Variants in TINCR observed in about 807,000 individuals in gnomAD.
TINCR encodes the protein TINCR ubiquitin domain containing, also known as TINCR-encoded ubiquitin-like protein.
chr19:5,558,299 T>G (rs1197626662), downstream of TINCR: 1 of 152,176 alleles, frequency 6.6e-6, no homozygotes, highest in Non-Finnish European at 1.5e-5. Context: ...GACCTCCCAG[T>G]TCAGTGGATC....
Position 5,563,615 on chromosome 19 carries a change from C to G in TINCR, c.261-666G>C, listed in dbSNP as rs1032371410. ...CCTCAGCTTCTCCACCTGTAAACCG[C>G]CAATGATAACGGCACCCGGCCAGGC... On this transcript the variant is annotated intron_variant, in intron 1 of 1. Transcript: ENST00000646160. The surrounding 1 kb of genome is among the most constrained non-coding windows in gnomAD (Gnocchi z 4.7). 6.6e-6 allele frequency among the ~76,000 whole-genome samples: 1 copy of G among 152,004 alleles called. No homozygotes were observed. Among genetic ancestry groups the G allele is most frequent in the African/African-American group, 2.4e-5 (1 of 41,410 alleles).
intron 1 of TINCR, among the ~76,000 whole-genome samples, chr19:5,567,182 A>AGAGATG (rs1179096799): frequency 6.6e-6 from 1 of 152,066 alleles, no homozygotes; most frequent in Non-Finnish European, 1.5e-5. Context: ...GACAGAGATA[A>AGAGATG]GAGATGGAGA....
downstream of TINCR, chr19:5,558,485 G>C (rs2052082717): frequency 6.6e-6 from 1 of 152,400 alleles, no homozygotes; most frequent in Non-Finnish European, 1.5e-5. Context: ...TGGAGGGACT[G>C]TGGCCCAAAC....
exon 1 of TINCR, chr19:5,567,831 G>A: frequency 2.5e-6 from 1 of 393,946 alleles, no homozygotes. Flanking sequence ...TCCCGCGGCC[G>A]CACGGTCAGC....
At chr19:5,566,738 CAAG>C (rs2052131984) in intron 1 of TINCR, among the ~76,000 whole-genome samples, 1 of 149,988 alleles carries the variant, frequency 6.7e-6, no homozygotes, top group Non-Finnish European at 1.5e-5. Context: ...CAGAGAGACA[CAAG>C]GAGAAAAACA....
intron 1 of TINCR, among the ~76,000 whole-genome samples, chr19:5,566,219 C>T (rs1455882610): frequency 6.6e-6 from 1 of 151,752 alleles, no homozygotes; most frequent in Non-Finnish European, 1.5e-5. Flanking sequence ...TGCAGAGACA[C>T]CAGAGAGATA....
chr19:5,567,037 C>G (rs2052133353), intron 1 of TINCR, among the ~76,000 whole-genome samples: 1 of 151,238 alleles, frequency 6.6e-6, no homozygotes, highest in African/African-American at 2.4e-5. Flanking sequence ...TGGAGAGAGA[C>G]ACACAGAGAG....
In TINCR at chr19:5,565,304, C is replaced by A. The variant is rs1332635232; in HGVS notation, c.261-2355G>T. Among the ~76,000 whole-genome samples the A allele has an allele frequency of 1.3e-5, 2 of 152,190 alleles. No individual in the cohort carries two copies. The highest frequency in any genetic ancestry group is 2.9e-5 in the Non-Finnish European group (2 of 68,038). On this transcript the variant is annotated intron_variant, in intron 1 of 1. Transcript: ENST00000646160. This position sits in a 1 kb window ranked among gnomAD's most constrained non-coding sequence, Gnocchi z 4.0. ...TTTAACCACCTCCTCCACATCATAG[C>A]CTGACATGTCACCTTTCCGGAGAGG...
At chr19:5,566,555 A>G (rs1251749380) in intron 1 of TINCR, among the ~76,000 whole-genome samples, 1 of 151,726 alleles carries the variant, frequency 6.6e-6, no homozygotes, top group Non-Finnish European at 1.5e-5. Context: ...GCACACACAG[A>G]CAGAACTGGA....
Position 5,567,649 on chromosome 19 carries a change from C to CCCCCCCCCCCCCCCCCCCCCGGGGGG in TINCR, c.260+15_260+16insCCCCCCGGGGGGGGGGGGGGGGGGGG. On this transcript the variant is annotated intron_variant, in intron 1 of 1. Coordinates refer to ENST00000646160, the Ensembl canonical transcript of TINCR. ...CCGCCGCCCCCGCCCCACCCCACCC[C>CCCCCCCCCCCCCCCCCCCCCGGGGGG]GAGCCCCGCGGCCACCTGGGGTCGC... 4 of 350,312 alleles carry CCCCCCCCCCCCCCCCCCCCCGGGGGG rather than the reference C, an allele frequency of 1.1e-5. No homozygotes were observed. The highest frequency in any genetic ancestry group is 1.5e-5 in the Non-Finnish European group (3 of 196,748). The allele number at this position is 350,312 out of a possible 1,614,324, so 21.7% of individuals were successfully genotyped here.
At chr19:5,561,126 C>T (rs1203621142), downstream of TINCR, 1 of 153,946 alleles carries the variant, frequency 6.5e-6, no homozygotes, top group East Asian at 1.9e-4. Flanking sequence ...CTGTGCTTCT[C>T]TTCTTGCGAT....
intron 1 of TINCR, among the ~76,000 whole-genome samples, chr19:5,566,693 G>A (rs1235482478): frequency 6.6e-6 from 1 of 151,098 alleles, no homozygotes; most frequent in East Asian, 2.0e-4. Flanking sequence ...GAAAAACAGA[G>A]ACAAAAATGG....
downstream of TINCR, chr19:5,558,772 C>T (rs2052084498): frequency 6.6e-6 from 1 of 152,236 alleles, no homozygotes; most frequent in Non-Finnish European, 1.5e-5. Context: ...CTCGGTGTGG[C>T]TGTGGGACCT....
rs1418497794 is a variant in TINCR at position 5,565,177 on chromosome 19, C to T, written c.261-2228G>A. On this transcript the variant is annotated intron_variant, in intron 1 of 1. Coordinates refer to ENST00000646160, the Ensembl canonical transcript of TINCR. The surrounding 1 kb of genome is among the most constrained non-coding windows in gnomAD (Gnocchi z 4.0). ...CTCTCTCCCCCTTGCTCCAGCCACA[C>T]GGGCCTCCTCGCTGTTCCTCCAACA... Among the ~76,000 whole-genome samples the T allele has an allele frequency of 1.3e-5, 2 of 152,086 alleles. No homozygotes were observed. The highest frequency in any genetic ancestry group is 2.1e-4 in the South Asian group (1 of 4,820).
exon 1 of TINCR, chr19:5,567,929 C>A: frequency 5.2e-6 from 2 of 382,486 alleles, no homozygotes; most frequent in Non-Finnish European, 9.3e-6. Context: ...CTCCATGGCG[C>A]CCGCCCGGCT....
intron 1 of TINCR, among the ~76,000 whole-genome samples, chr19:5,567,433 G>A (rs1277960825): frequency 1.3e-5 from 2 of 152,128 alleles, no homozygotes; most frequent in African/African-American, 4.8e-5. Flanking sequence ...AAGAGAGAGA[G>A]GCAGAAAAAC....
rs988364011 is a variant in TINCR, at chr19:5,565,864, T to G, written c.260+1801A>C. Among the ~76,000 whole-genome samples, 3 of 152,168 alleles carry G rather than the reference T, an allele frequency of 2.0e-5. No individual in the cohort carries two copies. The South Asian group carries it at 6.2e-4, about 31-fold the overall frequency. On this transcript the variant is annotated intron_variant, in intron 1 of 1. Coordinates refer to ENST00000646160, the Ensembl canonical transcript of TINCR. This position sits in a 1 kb window ranked among gnomAD's most constrained non-coding sequence, Gnocchi z 4.0. ...ATTCACATGGCCCCCGTCCCTCTCCTGTTCAATGCTTCCAAGGAGGTGGTC... is the reference window on the plus strand; with the variant it reads ...ATTCACATGGCCCCCGTCCCTCTCCGGTTCAATGCTTCCAAGGAGGTGGTC...
downstream of TINCR, chr19:5,558,955 T>TGGGAA (rs746429519): frequency 4.4e-4 from 67 of 150,708 alleles, 1 homozygote; most frequent in African/African-American, 1.2e-3. Context: ...GGAGAACAGA[T>TGGGAA]GGGAAGGGAA....
chr19:5,567,722 G>T (rs1215905766), exon 1 of TINCR: 2 of 234,098 alleles, frequency 8.5e-6, no homozygotes, highest in African/African-American at 2.4e-5. Flanking sequence ...GTCGCGCACC[G>T]TCTGGTGGTC....
Sources: gnomAD v4.1 joint callset for allele counts (sites outside exome capture counted in the v4.1 genomes callset) on GRCh38, gnomAD v4.1.1 for gene constraint, Gnocchi (gnomAD v3.1) non-coding constraint, MANE v1.5 for transcripts, NCBI Gene and HGNC (gene_info 2026-07-23, HGNC 2026-07-21) for gene names.